The following PLCH1 variants were observed in gnomAD, a reference collection of about 807,000 sequenced individuals.
The protein encoded by PLCH1 is phospholipase C eta 1.
A neutral mutation model predicts 126.7 loss-of-function variants in PLCH1; 60 were observed. The observed-to-expected ratio is 0.47, with a 90% CI of 0.38 to 0.59. The LOEUF is 0.59. Ranked by LOEUF, PLCH1 falls within the 20% of genes least tolerant of loss-of-function variation. PLCH1 has a pLI of 0.00. For synonymous variants in PLCH1, 719 were observed against 734.9 expected (o/e 0.98, Z 0.35); for missense variants, 1,723 against 2,040.0 (o/e 0.84, Z 2.99).
intron 1 of PLCH1, among the ~76,000 whole-genome samples, chr3:155,733,991 A>G (rs1748970439): frequency 7.2e-6 from 1 of 138,632 alleles, no homozygotes; most frequent in South Asian, 2.3e-4. Context: ...ACTCAACATC[A>G]CTAGTCATCA....
At chr3:155,676,598 A>C (rs185342393) in intron 2 of PLCH1, among the ~76,000 whole-genome samples, 32 of 152,084 alleles carry the variant, frequency 2.1e-4, no homozygotes, top group Admixed American at 4.6e-4. Flanking sequence ...AGCAAACATC[A>C]CTCCATCGGA....
chr3:155,561,782 C>T (rs1727667028), intron 8 of PLCH1, among the ~76,000 whole-genome samples: 2 of 151,868 alleles, frequency 1.3e-5, no homozygotes, highest in Admixed American at 1.3e-4. Context: ...TCTCCACATC[C>T]TCTCCAGTAC....
intron 21 of PLCH1, among the ~76,000 whole-genome samples, chr3:155,474,765 A>C (rs538662599): frequency 1.2e-3 from 134 of 113,902 alleles, no homozygotes; most frequent in African/African-American, 5.6e-3. Flanking sequence ...TGATGAGTTC[A>C]TGTCCTTTGT....
chr3:155,579,334 C>T (rs534874759), intron 6 of PLCH1, among the ~76,000 whole-genome samples: 1 of 152,334 alleles, frequency 6.6e-6, no homozygotes, highest in South Asian at 2.1e-4. Context: ...ATGGCTAGAT[C>T]TGTGCAGCTA....
At chr3:155,546,108 G>T (rs1725233188) in intron 10 of PLCH1, among the ~76,000 whole-genome samples, 1 of 152,160 alleles carries the variant, frequency 6.6e-6, no homozygotes. Context: ...GTCCCTGTTT[G>T]CAGATGACAT....
chr3:155,530,785 T>G (rs141685664), intron 10 of PLCH1, among the ~76,000 whole-genome samples: 24 of 152,340 alleles, frequency 1.6e-4, no homozygotes, highest in African/African-American at 5.5e-4. Context: ...GGTTTTCAAT[T>G]TAGTTTACCC....
At chr3:155,488,232 C>T in intron 20 of PLCH1, 125 bp from the exon 21 acceptor site, 1 of 634,694 alleles carries the variant, frequency 1.6e-6, no homozygotes, top group East Asian at 2.8e-5. Flanking sequence ...GAGTGTTGCT[C>T]TGTTGCCCAG....
At position 155,482,015 on chromosome 3, in the gene PLCH1, T is replaced by C. The variant is rs1191655365; in HGVS notation, c.4011A>G (p.Ile1337Met). The change falls in exon 23 of 23, where the codon ATA (isoleucine) becomes ATG (methionine). Residue 1337 changes from isoleucine to methionine, a missense_variant. Physicochemically the swap from Ile to Met is conservative, Grantham distance 10 (BLOSUM62 1). Around this residue, in one of 2 missense-constraint regions of PLCH1, gnomAD observed 947 missense variants for 977.1 expected, o/e 0.97. Coordinates refer to ENST00000460012, the MANE Select transcript of PLCH1 (RefSeq NM_014996.4). Reference sequence around the variant, plus strand: ...AATTGAAACAGAGAGTGGGATCAGCTATTACATCCTCCAGGGTCAAATCAG... The same window carrying C: ...AATTGAAACAGAGAGTGGGATCAGCCATTACATCCTCCAGGGTCAAATCAG... ...SSPDLTLEDV[I>M]ADPTLCFNSG... The C allele has an allele frequency of 6.2e-7, 1 of 1,614,116 alleles. No individual in the cohort carries two copies. The highest frequency in any genetic ancestry group is 8.5e-7 in the Non-Finnish European group (1 of 1,179,994).
At chr3:155,707,659 A>G (rs112643927) in intron 1 of PLCH1, among the ~76,000 whole-genome samples, 16,794 of 141,472 alleles carry the variant, frequency 0.12, 1,443 homozygotes, top group African/African-American at 0.25. Flanking sequence ...ACAAAACTCC[A>G]TCTCAAAAAA....
intron 15 of PLCH1, among the ~76,000 whole-genome samples, chr3:155,496,428 G>A (rs908329180): frequency 2.6e-5 from 4 of 151,830 alleles, no homozygotes; most frequent in African/African-American, 9.7e-5. Flanking sequence ...TTTAAATCTT[G>A]TATAATTGTT....
intron 21 of PLCH1, among the ~76,000 whole-genome samples, chr3:155,486,540 C>T (rs1471889334): frequency 1.7e-5 from 2 of 114,764 alleles, no homozygotes; most frequent in African/African-American, 7.1e-5. Context: ...TTTTTTGAGA[C>T]GGAGTCTCGC....
intron 8 of PLCH1, among the ~76,000 whole-genome samples, chr3:155,562,179 TTAATCCCTTAGCAC>T (rs2108501204): frequency 6.6e-6 from 1 of 152,310 alleles, no homozygotes; most frequent in African/African-American, 2.4e-5. Context: ...AGCCATCTAT[TTAATCCCTTAGCAC>T]TGACCTCCTC....
At chr3:155,581,905 A>T (rs539240) in intron 6 of PLCH1, among the ~76,000 whole-genome samples, 1 of 151,230 alleles carries the variant, frequency 6.6e-6, no homozygotes, top group Non-Finnish European at 1.5e-5. Context: ...ATGTGCCACC[A>T]CACCTGGCTA....
In PLCH1 at chr3:155,481,182, G is replaced by T. The variant is rs572787562; in HGVS notation, c.4844C>A (p.Thr1615Asn). The change falls in exon 23 of 23, where the codon ACC becomes AAC. Residue 1615 changes from threonine (T) to asparagine (N), a missense_variant. Physicochemically the swap from Thr to Asn is moderately conservative, Grantham distance 65. Coordinates refer to ENST00000460012, the MANE Select transcript of PLCH1 (RefSeq NM_014996.4). The surrounding 1 kb of genome is among the most constrained non-coding windows in gnomAD (Gnocchi z 4.2). The part of the protein sequence containing the change: ...VVLRNKPSAP[T>N]PAVNRHSTGS... The stretch of plus-strand genomic sequence containing the variant: ...GGTGGAGTGGCGATTCACTGCAGGG[G>T]TGGGTGCTGAGGGTTTGTTTCTAAG... The T allele has an allele frequency of 6.2e-7, 1 of 1,614,124 alleles. No homozygotes were observed. The highest frequency in any genetic ancestry group is 1.3e-5 in the African/African-American group (1 of 74,950).
At chr3:155,707,477 T>C (rs141072442) in intron 1 of PLCH1, among the ~76,000 whole-genome samples, 3,510 of 151,930 alleles carry the variant, frequency 0.023, 158 homozygotes, top group African/African-American at 0.08. Flanking sequence ...TCACCTGAGG[T>C]CAAGAGTTCA....
At chr3:155,687,030 G>A (rs1559935541) in intron 2 of PLCH1, among the ~76,000 whole-genome samples, 1 of 152,086 alleles carries the variant, frequency 6.6e-6, no homozygotes, top group African/African-American at 2.4e-5. Context: ...ATATAATAAA[G>A]CCTTCTGTCA....
intron 8 of PLCH1, among the ~76,000 whole-genome samples, chr3:155,564,172 C>T (rs572217833): frequency 6.6e-6 from 1 of 152,154 alleles, no homozygotes; most frequent in Non-Finnish European, 1.5e-5. Flanking sequence ...TCCCTGAAGA[C>T]AGAATTCATA....
intron 6 of PLCH1, among the ~76,000 whole-genome samples, chr3:155,575,511 C>T (rs1001542178): frequency 6.6e-6 from 1 of 152,134 alleles, no homozygotes; most frequent in Non-Finnish European, 1.5e-5. Flanking sequence ...GGAGATGGCC[C>T]TGTAGCAGGG....
intron 21 of PLCH1, among the ~76,000 whole-genome samples, chr3:155,451,791 T>G (rs1013770701): frequency 2.6e-5 from 4 of 152,230 alleles, no homozygotes; most frequent in South Asian, 2.1e-4. Context: ...CTTCTGCTTT[T>G]GGGCCTAAAT....
Sources: allele counts gnomAD v4.1 joint callset (sites outside exome capture counted in the v4.1 genomes callset), GRCh38; gene constraint gnomAD v4.1.1; regional missense constraint gnomAD v4.1.1; non-coding constraint Gnocchi (gnomAD v3.1); transcripts MANE v1.5; gene names NCBI Gene and HGNC (gene_info 2026-07-23, HGNC 2026-07-21).